The following DLG2 variants were observed in gnomAD, a reference collection of about 807,000 sequenced individuals.
DLG2 encodes disks large homolog 2.
A neutral mutation model predicts 132.5 loss-of-function variants in DLG2; 45 were observed. The observed-to-expected ratio is 0.34, with a 90% CI of 0.27 to 0.44. The LOEUF (loss-of-function observed/expected upper bound fraction) is 0.44. DLG2 is among the 20% of genes least tolerant of loss of function. DLG2 has a pLI of 1.00. For synonymous variants in DLG2, 424 were observed against 419.6 expected (o/e 1.01, Z -0.13); for missense variants, 1,045 against 1,196.9 (o/e 0.87, Z 1.87).
At position 84,250,689 on chromosome 11, in the gene DLG2, T is replaced by C. The variant is rs530842071; in HGVS notation, c.573+549A>G. On this transcript the variant is annotated intron_variant, in intron 8 of 27. Coordinates refer to ENST00000376104, the MANE Select transcript of DLG2 (RefSeq NM_001142699.3). ...AGAACTTTTGCCATCATAGTGGTTG[T>C]GTTACAGGTACAGAATCCTAGGCTT... Among the ~76,000 whole-genome samples the C allele has an allele frequency of 6.2e-4, 94 of 152,306 alleles. 1 individual carries two copies. Among genetic ancestry groups the C allele is most frequent in the African/African-American group, 2.2e-3 (92 of 41,574 alleles).
intron 2 of DLG2, among the ~76,000 whole-genome samples, chr11:85,602,387 CT>C (rs1029514832): frequency 6.7e-4 from 102 of 151,992 alleles, no homozygotes; most frequent in African/African-American, 2.1e-3. Context: ...AGTCTTTTCT[CT>C]TTTTTTTCTT....
intron 18 of DLG2, among the ~76,000 whole-genome samples, chr11:83,756,927 G>C (rs1311410632): frequency 6.6e-6 from 1 of 152,004 alleles, no homozygotes; most frequent in Non-Finnish European, 1.5e-5. Context: ...TTGTGTCTTA[G>C]GTATTACAGA....
chr11:84,972,297 A>C (rs888022164), intron 6 of DLG2, among the ~76,000 whole-genome samples: 28 of 152,252 alleles, frequency 1.8e-4, no homozygotes, highest in Non-Finnish European at 1.0e-4. Context: ...ACATTTGCAT[A>C]CACAGTCTTT....
intron 5 of DLG2, among the ~76,000 whole-genome samples, chr11:85,121,330 G>A (rs755809166): frequency 1.3e-5 from 2 of 150,732 alleles, no homozygotes; most frequent in Non-Finnish European, 3.0e-5. Context: ...TCACTTTAAT[G>A]TTTTCATAGT....
intron 6 of DLG2, among the ~76,000 whole-genome samples, chr11:84,890,547 C>G (rs992637606): frequency 4.6e-5 from 7 of 152,162 alleles, no homozygotes; most frequent in African/African-American, 1.2e-4. Context: ...CTCCCCAACC[C>G]TAAACATTCT....
At chr11:85,444,209 A>T (rs966013906) in intron 3 of DLG2, among the ~76,000 whole-genome samples, 6 of 152,236 alleles carry the variant, frequency 3.9e-5, no homozygotes, top group Admixed American at 2.6e-4. Context: ...TGGAAACACA[A>T]CAGAAATGAA....
intron 19 of DLG2, among the ~76,000 whole-genome samples, chr11:83,580,159 C>T (rs564567000): frequency 7.2e-5 from 11 of 151,924 alleles, no homozygotes; most frequent in African/African-American, 2.7e-4. Flanking sequence ...ATTCATTGAT[C>T]TTTTTTGTGC....
intron 3 of DLG2, among the ~76,000 whole-genome samples, chr11:85,391,390 T>A (rs537517418): frequency 6.6e-6 from 1 of 152,176 alleles, no homozygotes; most frequent in South Asian, 2.1e-4. Flanking sequence ...ATCCCATTGG[T>A]ACTATTCCAA....
intron 21 of DLG2, among the ~76,000 whole-genome samples, chr11:83,502,732 G>C (rs553473648): frequency 6.6e-6 from 1 of 152,020 alleles, no homozygotes; most frequent in African/African-American, 2.4e-5. Context: ...GTGACTCCAT[G>C]GGGCTGGCCA....
intron 8 of DLG2, among the ~76,000 whole-genome samples, chr11:84,177,576 C>T (rs2096005115): frequency 6.6e-6 from 1 of 152,146 alleles, no homozygotes; most frequent in Non-Finnish European, 1.5e-5. Context: ...ACTACTTATA[C>T]TTACTTCAAT....
At chr11:85,403,150 T>C (rs1425603779) in intron 3 of DLG2, among the ~76,000 whole-genome samples, 1 of 152,180 alleles carries the variant, frequency 6.6e-6, no homozygotes, top group Non-Finnish European at 1.5e-5. Context: ...CACCATGGAA[T>C]ACTATGCAGC....
At chr11:84,683,980 A>T (rs1410913007) in intron 6 of DLG2, among the ~76,000 whole-genome samples, 1 of 152,230 alleles carries the variant, frequency 6.6e-6, no homozygotes, top group South Asian at 2.1e-4. Context: ...ACAAATTTCA[A>T]ATAGAAAACA....
At chr11:85,238,221 ATT>A (rs2075694306) in intron 4 of DLG2, among the ~76,000 whole-genome samples, 1 of 136,598 alleles carries the variant, frequency 7.3e-6, no homozygotes, top group East Asian at 2.1e-4. Flanking sequence ...TTATTTATTT[ATT>A]TATTTATTTA....
At chr11:85,340,782 A>G (rs1001830458) in intron 3 of DLG2, among the ~76,000 whole-genome samples, 8 of 152,184 alleles carry the variant, frequency 5.3e-5, no homozygotes, top group African/African-American at 7.2e-5. Context: ...AAATTTATCA[A>G]TCTTTTCTTT....
At chr11:84,278,127 A>T (rs1328478617) in intron 7 of DLG2, among the ~76,000 whole-genome samples, 1 of 148,348 alleles carries the variant, frequency 6.7e-6, no homozygotes, top group South Asian at 2.2e-4. Flanking sequence ...GCTTCAAGCA[A>T]TCCTCCAGCC....
intron 6 of DLG2, among the ~76,000 whole-genome samples, chr11:84,593,898 A>G (rs2099550035): frequency 1.3e-5 from 2 of 152,234 alleles, no homozygotes; most frequent in Non-Finnish European, 2.9e-5. Context: ...AGACTGAGCA[A>G]TTATTCAACA....
chr11:83,536,903 T>A (rs963097631), intron 20 of DLG2, among the ~76,000 whole-genome samples: 1 of 152,166 alleles, frequency 6.6e-6, no homozygotes, highest in Admixed American at 6.6e-5. Context: ...TAGGTAAAAG[T>A]CTAGCATCAC....
intron 7 of DLG2, among the ~76,000 whole-genome samples, chr11:84,370,584 C>A (rs117091246): frequency 6.6e-6 from 1 of 152,050 alleles, no homozygotes; most frequent in Non-Finnish European, 1.5e-5. Flanking sequence ...TACAGTAGGG[C>A]CTCAGAAAGC....
intron 6 of DLG2, among the ~76,000 whole-genome samples, chr11:84,817,952 T>G (rs948865333): frequency 1.3e-5 from 2 of 152,018 alleles, no homozygotes; most frequent in African/African-American, 4.8e-5. Context: ...ATAACAATTA[T>G]ATATTAATAT....
Sources: allele counts gnomAD v4.1 joint callset (sites outside exome capture counted in the v4.1 genomes callset), GRCh38; gene constraint gnomAD v4.1.1; transcripts MANE v1.5; gene names NCBI Gene and HGNC (gene_info 2026-07-23, HGNC 2026-07-21).